REEP6: variants seen among roughly 807,000 people sequenced by gnomAD.
REEP6 encodes the protein receptor expression-enhancing protein 6.
In REEP6, 19 loss-of-function variants were observed where a neutral mutation model predicts 22.4. That is an observed-to-expected ratio of 0.85 (90% CI 0.59 to 1.25). The LOEUF is 1.25. Among genes scored for constraint, REEP6 ranks in the 50% most tolerant of loss-of-function variants. REEP6 has a pLI of 0.00. For synonymous variants in REEP6, 121 were observed against 113.6 expected, an observed-to-expected ratio of 1.06 and a Z score of -0.41; for missense variants, 273 against 251.9, an observed-to-expected ratio of 1.08 and a Z score of -0.57.
Position 1,495,570 on chromosome 19 carries a change from T to C in REEP6, c.311T>C (p.Leu104Pro), listed in dbSNP as rs1380611604. ...LFGLAEFFSD[L>P]LLSWFPFYYV... is the part of the protein sequence containing the mutation. The stretch of plus-strand genomic sequence containing the variant: ...GGGCTGGCCGAGTTCTTCAGCGATC[T>C]ACTCCTGTCCTGGTTCCCTTTCTAC... Residue 104 changes from leucine (L) to proline (P), a missense_variant, in exon 3 of 5, where the codon CTA (leucine) becomes CCA (proline). Leu to Pro is a moderately conservative substitution (Grantham distance 98, BLOSUM62 -3). Coordinates refer to ENST00000233596, the MANE Select transcript of REEP6 (RefSeq NM_138393.4). 1 of 1,613,980 alleles carries C rather than the reference T, an allele frequency of 6.2e-7. No individual in the cohort carries two copies. The highest frequency in any genetic ancestry group is 8.5e-7 in the Non-Finnish European group (1 of 1,180,022).
Position 1,495,301 on chromosome 19 carries a change from C to A in REEP6, c.123C>A (p.Val41=). 1 of 1,612,652 alleles carries A rather than the reference C, an allele frequency of 6.2e-7. No individual in the cohort carries two copies. The change falls in exon 2 of 5, where the codon GTC becomes GTA. Residue 41 remains valine (V), a synonymous_variant. Coordinates refer to ENST00000233596, the MANE Select transcript of REEP6 (RefSeq NM_138393.4). ...VEKRYLAAGA[V]TLLSLYLLFG... is the part of the protein sequence containing the mutation. ...ACCGCCTCTCTCCGGCAGGAGCCGT[C>A]ACTCTGCTAAGCCTGTATCTGCTGT...
Position 1,497,737 on chromosome 19 carries a change from A to C in REEP6, c.*526A>C, listed in dbSNP as rs2085022032. Reference sequence around the variant, plus strand: ...CAGCGCCAGAAGGAATCGTCGAAACAGCCTGCCAGCAGCGCCTCAGTGCCC... The same window carrying C: ...CAGCGCCAGAAGGAATCGTCGAAACCGCCTGCCAGCAGCGCCTCAGTGCCC... On this transcript the variant is annotated 3_prime_UTR_variant, in exon 5 of 5. Coordinates refer to ENST00000233596, the MANE Select transcript of REEP6 (RefSeq NM_138393.4). This position sits in a 1 kb window ranked among gnomAD's most constrained non-coding sequence, Gnocchi z 6.5. 4.2e-6 allele frequency: 2 copies of C among 470,862 alleles called. No homozygotes were observed. The highest frequency in any genetic ancestry group is 2.4e-5 in the Admixed American group (1 of 42,548). 29.2% of individuals were successfully genotyped at this position (470,862 alleles called of 1,614,324 possible). A position where few individuals can be genotyped will look rare whatever the true frequency, so the allele number is the denominator to read the frequency against.
intron 4 of REEP6, among the ~76,000 whole-genome samples, chr19:1,496,854 G>C (rs1256133925): frequency 3.3e-5 from 5 of 152,154 alleles, no homozygotes; most frequent in African/African-American, 1.2e-4. Flanking sequence ...GAGCAAGGGA[G>C]TGAGCATGTT....
rs530835522 is a variant in REEP6, at chr19:1,493,071, G to T, written c.115+1687G>T. On this transcript the variant is annotated intron_variant, in intron 1 of 4. Coordinates refer to ENST00000233596, the MANE Select transcript of REEP6 (RefSeq NM_138393.4). ...TGCCTCTGTGCCTGTTCTGTCTGAA[G>T]CATACAGTCCTCCACCCTGCCCACC... 2.6e-5 allele frequency among the ~76,000 whole-genome samples: 4 copies of T among 152,314 alleles called. No homozygotes were observed. The East Asian group carries it at 7.7e-4, about 29-fold the overall frequency.
chr19:1,492,916 C>A (rs898004269), intron 1 of REEP6, among the ~76,000 whole-genome samples: 1 of 152,182 alleles, frequency 6.6e-6, no homozygotes, highest in African/African-American at 2.4e-5. Context: ...CTCTGCCCTC[C>A]CTTTCCACAT....
chr19:1,491,471 A>ACGGGGTCCGGTCCGGC lies in REEP6; in HGVS notation c.115+91_115+106dup, dbSNP rs1423995470. On this transcript the variant is annotated intron_variant, in intron 1 of 4. Transcript: ENST00000233596. The surrounding 1 kb of genome is among the most constrained non-coding windows in gnomAD (Gnocchi z 5.4). ...CGCAGACCGGACTCCTTCCCCGGCT[A>ACGGGGTCCGGTCCGGC]CGGGGTCCGGTCCGGCCGGTGGAGC... 1 of 969,854 alleles carries ACGGGGTCCGGTCCGGC rather than the reference A, an allele frequency of 1.0e-6. No homozygotes were observed. Among genetic ancestry groups the ACGGGGTCCGGTCCGGC allele is most frequent in the Admixed American group, 4.3e-5 (1 of 23,500 alleles). The allele number at this position is 969,854 out of a possible 1,614,324, so 60.1% of individuals were successfully genotyped here. A position where few individuals can be genotyped will look rare whatever the true frequency, so the allele number is the denominator to read the frequency against.
Position 1,495,377 on chromosome 19 carries a change from G to T in REEP6, c.199G>T (p.Ala67Ser). The T allele has an allele frequency of 6.2e-7, 1 of 1,613,764 alleles. No homozygotes were observed. Among genetic ancestry groups the T allele is most frequent in the Non-Finnish European group, 8.5e-7 (1 of 1,180,010 alleles). Residue 67 changes from alanine to serine, a missense_variant, in exon 2 of 5, where the codon GCA becomes TCA. Coordinates refer to ENST00000233596, the MANE Select transcript of REEP6 (RefSeq NM_138393.4). ...CAATCTCATCGGATTTGTGTACCCC[G>T]CATATGCCTCGTGAGTGCACGGCTG... ...LCNLIGFVYPAYASIKAIESP... is the reference protein window; with the variant it reads ...LCNLIGFVYPSYASIKAIESP...
Position 1,491,470 on chromosome 19 carries a change from T to C in REEP6, c.115+86T>C. 1 of 970,704 alleles carries C rather than the reference T, an allele frequency of 1.0e-6. No individual in the cohort carries two copies. The highest frequency in any genetic ancestry group is 1.4e-6 in the Non-Finnish European group (1 of 713,200). 60.1% of individuals were successfully genotyped at this position (970,704 alleles called of 1,614,324 possible). ...TCGCAGACCGGACTCCTTCCCCGGCTACGGGGTCCGGTCCGGCCGGTGGAG... is the reference window on the plus strand; with the variant it reads ...TCGCAGACCGGACTCCTTCCCCGGCCACGGGGTCCGGTCCGGCCGGTGGAG... On this transcript the variant is annotated intron_variant, in intron 1 of 4. Transcript: ENST00000233596. The surrounding 1 kb of genome is among the most constrained non-coding windows in gnomAD (Gnocchi z 5.4).
intron 1 of REEP6, among the ~76,000 whole-genome samples, chr19:1,494,208 G>A (rs956226814): frequency 6.6e-6 from 1 of 152,206 alleles, no homozygotes; most frequent in African/African-American, 2.4e-5. Flanking sequence ...GCCTCACTCA[G>A]TGCCGGCTGG....
At chr19:1,496,726 GC>G in intron 4 of REEP6, 1 of 661,210 alleles carries the variant, frequency 1.5e-6, no homozygotes. Flanking sequence ...GTGCGCGCGC[GC>G]GCGCGTGTGT....
chr19:1,495,372 A>G lies in REEP6; in HGVS notation c.194A>G (p.Tyr65Cys), dbSNP rs2084997157. The G allele has an allele frequency of 6.2e-7, 1 of 1,613,672 alleles. No homozygotes were observed. The highest frequency in any genetic ancestry group is 1.3e-5 in the African/African-American group (1 of 75,024). ...SLLCNLIGFV[Y>C]PAYASIKAIE... ...CTGTGCAATCTCATCGGATTTGTGT[A>G]CCCCGCATATGCCTCGTGAGTGCAC... The change falls in exon 2 of 5, where the codon TAC (tyrosine) becomes TGC (cysteine). Residue 65 changes from tyrosine to cysteine, a missense_variant. By Grantham distance (194) the Tyr-to-Cys change is radical. Coordinates refer to ENST00000233596, the MANE Select transcript of REEP6 (RefSeq NM_138393.4).
Position 1,496,268 on chromosome 19 carries a change from C to G in REEP6, c.349-17C>G. 1.3e-6 allele frequency: 2 copies of G among 1,593,256 alleles called. No individual in the cohort carries two copies. Among genetic ancestry groups the G allele is most frequent in the African/African-American group, 1.3e-5 (1 of 74,804 alleles). ...GAGCTGGGTGGGCCCGCGTGTAACT[C>G]CTGCCCCGCCCTGCAGTGCGCCTTC... On this transcript the variant is annotated splice_polypyrimidine_tract_variant and intron_variant, in intron 3 of 4. Coordinates refer to ENST00000233596, the MANE Select transcript of REEP6 (RefSeq NM_138393.4).
chr19:1,494,571 A>T (rs186321176), intron 1 of REEP6, among the ~76,000 whole-genome samples: 1 of 152,180 alleles, frequency 6.6e-6, no homozygotes, highest in African/African-American at 2.4e-5. Flanking sequence ...TCAGCTCTAG[A>T]ATCAAGTCTT....
chr19:1,495,355 T>A lies in REEP6; in HGVS notation c.177T>A (p.Asn59Lys), dbSNP rs2084997045. ...LFGYGASLLCNLIGFVYPAYA... is the reference protein window; with the variant it reads ...LFGYGASLLCKLIGFVYPAYA... ...GCTACGGAGCGTCTCTGCTGTGCAA[T>A]CTCATCGGATTTGTGTACCCCGCAT... Residue 59 changes from asparagine to lysine, a missense_variant, in exon 2 of 5, where the codon AAT becomes AAA. Coordinates refer to ENST00000233596, the MANE Select transcript of REEP6 (RefSeq NM_138393.4). The A allele has an allele frequency of 6.2e-7, 1 of 1,613,652 alleles. No individual in the cohort carries two copies. Among genetic ancestry groups the A allele is most frequent in the Admixed American group, 1.7e-5 (1 of 60,012 alleles).
At position 1,497,090 on chromosome 19, in the gene REEP6, A is replaced by G. The variant is rs2085015188; in HGVS notation, c.518-84A>G. ...CCCTCGACTTGTCATGCTCATAGCC[A>G]GTAGCCTCAGTCCCGCCTGCGAGCA... On this transcript the variant is annotated intron_variant, in intron 4 of 4. Coordinates refer to ENST00000233596, the MANE Select transcript of REEP6 (RefSeq NM_138393.4). This position sits in a 1 kb window ranked among gnomAD's most constrained non-coding sequence, Gnocchi z 6.5. 6.1e-6 allele frequency: 7 copies of G among 1,141,026 alleles called. No homozygotes were observed. The allele number at this position is 1,141,026 out of a possible 1,614,324, so 70.7% of individuals were successfully genotyped here. A position where few individuals can be genotyped will look rare whatever the true frequency, so the allele number is the denominator to read the frequency against.
At position 1,497,750 on chromosome 19, in the gene REEP6, C is replaced by T. The variant is rs1271420662; in HGVS notation, c.*539C>T. On this transcript the variant is annotated 3_prime_UTR_variant, in exon 5 of 5. Transcript: ENST00000233596. This position sits in a 1 kb window ranked among gnomAD's most constrained non-coding sequence, Gnocchi z 6.5. ...AATCGTCGAAACAGCCTGCCAGCAG[C>T]GCCTCAGTGCCCGAGCTGGTCCCCT... The T allele has an allele frequency of 8.5e-6, 4 of 470,940 alleles. No individual in the cohort carries two copies. The highest frequency in any genetic ancestry group is 2.0e-5 in the African/African-American group (1 of 50,204). 29.2% of individuals were successfully genotyped at this position (470,940 alleles called of 1,614,324 possible).
At chr19:1,493,785 CACTT>C (rs1202757933) in intron 1 of REEP6, among the ~76,000 whole-genome samples, 1 of 149,916 alleles carries the variant, frequency 6.7e-6, no homozygotes, top group Non-Finnish European at 1.5e-5. Context: ...TGCCTGAAGG[CACTT>C]AATAAATGTG....
rs751330788 is a variant in REEP6 at position 1,496,672 on chromosome 19, G to A, written c.517+219G>A. The A allele has an allele frequency of 7.9e-5, 57 of 723,228 alleles. No homozygotes were observed. The highest frequency in any genetic ancestry group is 5.4e-4 in the East Asian group (20 of 37,302). 44.8% of individuals were successfully genotyped at this position (723,228 alleles called of 1,614,324 possible). A position where few individuals can be genotyped will look rare whatever the true frequency, so the allele number is the denominator to read the frequency against. ...CCCTCCACTCCCCTGGAAGCTGACC[G>A]TACGTAACCGCTGTGGGGAGATAGG... On this transcript the variant is annotated intron_variant, in intron 4 of 4. Coordinates refer to ENST00000233596, the MANE Select transcript of REEP6 (RefSeq NM_138393.4).
In REEP6 at chr19:1,496,362, G is replaced by A. The variant is rs764921101; in HGVS notation, c.426G>A (p.Pro142=). ...TGCTGTATCAGCGCGTCGTGCGTCC[G>A]CTGTTCCTAAGGCACCACGGGGCCG... ...ALMLYQRVVR[P]LFLRHHGAVD... Residue 142 remains proline, a synonymous_variant, in exon 4 of 5, where the codon CCG becomes CCA. Coordinates refer to ENST00000233596, the MANE Select transcript of REEP6 (RefSeq NM_138393.4). 6.8e-6 allele frequency: 11 copies of A among 1,612,910 alleles called. No individual in the cohort carries two copies. Among genetic ancestry groups the A allele is most frequent in the South Asian group, 3.3e-5 (3 of 91,088 alleles).
Sources: gnomAD v4.1 joint callset for allele counts (sites outside exome capture counted in the v4.1 genomes callset) on GRCh38, gnomAD v4.1.1 for gene constraint, Gnocchi (gnomAD v3.1) non-coding constraint, MANE v1.5 for transcripts, NCBI Gene and HGNC (gene_info 2026-07-23, HGNC 2026-07-21) for gene names.